Variants in DSCAM observed in about 807,000 individuals in gnomAD.
The protein encoded by DSCAM is DS cell adhesion molecule, also known as cell adhesion molecule DSCAM.
DSCAM carries 47 observed loss-of-function variants against 217.7 expected under a neutral mutation model. That is an observed-to-expected ratio of 0.22 (90% CI 0.17 to 0.28). DSCAM has a LOEUF of 0.28. Ranked by LOEUF, DSCAM falls within the 10% of genes least tolerant of loss-of-function variation. The pLI, the probability that DSCAM is intolerant of heterozygous loss-of-function variation, is 1.00. For synonymous variants in DSCAM, 1,056 were observed against 1,015.3 expected (o/e 1.04, Z -0.76); for missense variants, 2,080 against 2,618.3 (o/e 0.79, Z 4.49).
At chr21:40,539,644 C>G (rs981638880) in intron 3 of DSCAM, among the ~76,000 whole-genome samples, 1 of 152,038 alleles carries the variant, frequency 6.6e-6, no homozygotes, top group Non-Finnish European at 1.5e-5. Flanking sequence ...CACTTATAAT[C>G]AGGGACAGAT....
intron 15 of DSCAM, among the ~76,000 whole-genome samples, chr21:40,175,814 C>CACACGCACGCAG (rs2090722399): frequency 6.7e-6 from 1 of 149,264 alleles, no homozygotes; most frequent in South Asian, 2.1e-4. Context: ...CACACGCACA[C>CACACGCACGCAG]ACACACACAC....
chr21:40,273,202 T>C (rs188936656), intron 11 of DSCAM, among the ~76,000 whole-genome samples: 107 of 152,372 alleles, frequency 7.0e-4, no homozygotes, highest in Middle Eastern at 3.4e-3. Flanking sequence ...TAGAGTATCT[T>C]ATGTCTTACA....
intron 3 of DSCAM, among the ~76,000 whole-genome samples, chr21:40,476,010 C>A (rs2075932218): frequency 6.6e-6 from 1 of 152,162 alleles, no homozygotes; most frequent in Non-Finnish European, 1.5e-5. Flanking sequence ...ACAAGTGTTT[C>A]ATCTTTGGGT....
At chr21:40,660,286 G>A (rs181945482) in intron 3 of DSCAM, among the ~76,000 whole-genome samples, 46 of 152,298 alleles carry the variant, frequency 3.0e-4, no homozygotes, top group Non-Finnish European at 6.2e-4. Context: ...AGAAAGAAAG[G>A]AAGGAAGGAA....
At chr21:40,579,561 A>G (rs2076886621) in intron 3 of DSCAM, among the ~76,000 whole-genome samples, 1 of 152,162 alleles carries the variant, frequency 6.6e-6, no homozygotes, top group South Asian at 2.1e-4. Flanking sequence ...GAAAGATTAC[A>G]AGCCAAGCAG....
intron 18 of DSCAM, among the ~76,000 whole-genome samples, chr21:40,138,295 GTGTGCGTGGTGTGTGTGTATGGTGTA>G (rs2090237808): frequency 6.7e-6 from 1 of 148,860 alleles, no homozygotes; most frequent in South Asian, 2.2e-4. Flanking sequence ...GTGTGTACCT[GTGTGCGTGGTGTGTGTGTATGGTGTA>G]TGTGTGTGCT....
At chr21:40,732,218 G>A (rs1012510220) in intron 1 of DSCAM, among the ~76,000 whole-genome samples, 1 of 152,142 alleles carries the variant, frequency 6.6e-6, no homozygotes, top group Non-Finnish European at 1.5e-5. Flanking sequence ...TGACTGCTGT[G>A]GGCAGGAGGA....
chr21:40,133,048 C>G (rs1483925430), intron 19 of DSCAM, among the ~76,000 whole-genome samples: 3 of 152,158 alleles, frequency 2.0e-5, no homozygotes, highest in African/African-American at 7.2e-5. Flanking sequence ...TACTTCTGTG[C>G]TGGAATATTT....
At chr21:40,177,058 GAGA>G (rs147796215) in intron 15 of DSCAM, among the ~76,000 whole-genome samples, 4,563 of 152,376 alleles carry the variant, frequency 0.03, 93 homozygotes, top group Admixed American at 0.04. Flanking sequence ...GGGCTTGAGA[GAGA>G]AGGAGAAGAT....
chr21:40,029,204 C>G (rs2088468351), intron 32 of DSCAM, among the ~76,000 whole-genome samples: 1 of 151,690 alleles, frequency 6.6e-6, no homozygotes, highest in Non-Finnish European at 1.5e-5. Flanking sequence ...TCTTGGATTA[C>G]TGCTTCTTCT....
Position 40,042,355 on chromosome 21 carries a change from G to C in DSCAM, c.5686+16C>G, listed in dbSNP as rs749178061. On this transcript the variant is annotated intron_variant, in intron 32 of 32. Coordinates refer to ENST00000400454, the MANE Select transcript of DSCAM (RefSeq NM_001389.5). ...CTTCCCTAAGCGACGGCCCCCAGGT[G>C]GCCTTGCTCACCTACCTGGCCGATG... The C allele has an allele frequency of 1.4e-5, 22 of 1,610,060 alleles. No individual in the cohort carries two copies. The Admixed American group carries it at 2.0e-4, about 15-fold the overall frequency.
At chr21:40,615,041 C>G (rs2089370548) in intron 3 of DSCAM, among the ~76,000 whole-genome samples, 1 of 151,712 alleles carries the variant, frequency 6.6e-6, no homozygotes, top group African/African-American at 2.4e-5. Flanking sequence ...TAGTGGCTCA[C>G]GCCTGTAATC....
At chr21:40,338,044 T>C in intron 8 of DSCAM, 57 bp downstream of exon 8, 1 of 1,586,266 alleles carries the variant, frequency 6.3e-7, no homozygotes, top group Admixed American at 1.7e-5. Context: ...ATCATTGGTC[T>C]GGGAAGTAGT....
rs140524389 is a variant in DSCAM at position 40,374,134 on chromosome 21, T to C, written c.509-4889A>G. 1.9e-3 allele frequency among the ~76,000 whole-genome samples: 285 copies of C among 152,332 alleles called. 2 individuals carry two copies. Among genetic ancestry groups the C allele is most frequent in the African/African-American group, 6.6e-3 (274 of 41,582 alleles). On this transcript the variant is annotated intron_variant, in intron 3 of 32. Coordinates refer to ENST00000400454, the MANE Select transcript of DSCAM (RefSeq NM_001389.5). ...AATCATTTCACATCGTGTATACACATAGGTGTGTATATATAGACACATACA... is the reference window on the plus strand; with the variant it reads ...AATCATTTCACATCGTGTATACACACAGGTGTGTATATATAGACACATACA...
At chr21:40,698,201 G>T (rs1237016340) in intron 2 of DSCAM, among the ~76,000 whole-genome samples, 1 of 152,186 alleles carries the variant, frequency 6.6e-6, no homozygotes, top group East Asian at 1.9e-4. Flanking sequence ...AGCAGCGAAT[G>T]TGAGAAAACA....
intron 5 of DSCAM, among the ~76,000 whole-genome samples, chr21:40,350,063 T>C (rs944935192): frequency 6.6e-6 from 1 of 152,156 alleles, no homozygotes; most frequent in East Asian, 1.9e-4. Context: ...ATTATTATTA[T>C]TTATTTCACT....
At chr21:40,791,534 A>C (rs1017330706) in intron 1 of DSCAM, among the ~76,000 whole-genome samples, 1 of 152,116 alleles carries the variant, frequency 6.6e-6, no homozygotes, top group Non-Finnish European at 1.5e-5. Context: ...GGGCGCCTGT[A>C]GTCCCAGCTA....
intron 3 of DSCAM, among the ~76,000 whole-genome samples, chr21:40,624,927 T>G (rs915609981): frequency 7.2e-5 from 11 of 152,150 alleles, no homozygotes; most frequent in Admixed American, 5.9e-4. Flanking sequence ...TAAAGAAAAT[T>G]CTTTGATTAT....
chr21:40,409,414 G>C (rs778191400), intron 3 of DSCAM, among the ~76,000 whole-genome samples: 1 of 152,194 alleles, frequency 6.6e-6, no homozygotes, highest in Non-Finnish European at 1.5e-5. Context: ...TGCTTTTCCA[G>C]AGATGACCCA....
Sources: allele counts gnomAD v4.1 joint callset (sites outside exome capture counted in the v4.1 genomes callset), GRCh38; gene constraint gnomAD v4.1.1; transcripts MANE v1.5; gene names NCBI Gene and HGNC (gene_info 2026-07-23, HGNC 2026-07-21).